SYCP1: variants seen among roughly 807,000 people sequenced by gnomAD.
The protein encoded by SYCP1 is synaptonemal complex protein 1, also known as cancer/testis antigen 8.
In SYCP1, 64 loss-of-function variants were observed where a neutral mutation model predicts 153.1. That is an observed-to-expected ratio of 0.42 (90% CI 0.34 to 0.51). SYCP1 has a LOEUF of 0.51. Ranked by LOEUF, SYCP1 falls within the 20% of genes least tolerant of loss-of-function variation. The probability of loss-of-function intolerance (pLI) is 0.06; values close to 1 mark genes in which losing one functional copy is unlikely to be tolerated. For missense variants in SYCP1, 997 were observed against 1,049.0 expected (o/e 0.95, Z 0.68); for synonymous variants, 384 against 341.8 (o/e 1.12, Z -1.36).
intron 27 of SYCP1, among the ~76,000 whole-genome samples, chr1:114,969,425 C>T (rs903325960): frequency 3.3e-5 from 5 of 152,140 alleles, no homozygotes; most frequent in African/African-American, 9.7e-5. Flanking sequence ...TTCCCTGTGG[C>T]TTTGTTTACA....
intron 30 of SYCP1, among the ~76,000 whole-genome samples, chr1:114,986,019 A>G (rs1292024508): frequency 2.0e-5 from 3 of 151,996 alleles, no homozygotes; most frequent in Non-Finnish European, 4.4e-5. Flanking sequence ...ATTATAAGTA[A>G]CCTAGAGATG....
chr1:114,871,977 C>T (rs1160316998), intron 8 of SYCP1, among the ~76,000 whole-genome samples: 10 of 150,100 alleles, frequency 6.7e-5, no homozygotes, highest in Non-Finnish European at 1.5e-4. Flanking sequence ...CTTATTTCTG[C>T]GTTGATGCTC....
At chr1:114,905,947 T>G (rs1003480604) in intron 16 of SYCP1, among the ~76,000 whole-genome samples, 4 of 152,078 alleles carry the variant, frequency 2.6e-5, no homozygotes, top group Non-Finnish European at 5.9e-5. Flanking sequence ...TGATATTGGT[T>G]GTTGTGTCAT....
At chr1:114,857,961 A>G (rs1049605196) in intron 5 of SYCP1, among the ~76,000 whole-genome samples, 1 of 152,014 alleles carries the variant, frequency 6.6e-6, no homozygotes, top group African/African-American at 2.4e-5. Flanking sequence ...TTATGGTATC[A>G]CAGAATTTAA....
At chr1:114,855,194 A>ATCT in intron 1 of SYCP1, 176 bp downstream of exon 1, 1 of 212,992 alleles carries the variant, frequency 4.7e-6, no homozygotes, top group Admixed American at 5.8e-5. Context: ...GGAGAAGGGA[A>ATCT]CGGGCTTTCT....
At chr1:114,978,581 A>C (rs1317575753) in intron 28 of SYCP1, among the ~76,000 whole-genome samples, 3 of 151,686 alleles carry the variant, frequency 2.0e-5, no homozygotes, top group African/African-American at 7.2e-5. Context: ...TTTTTGGTTA[A>C]AATGATTAAG....
intron 8 of SYCP1, among the ~76,000 whole-genome samples, chr1:114,867,560 T>G (rs1408548359): frequency 6.6e-6 from 1 of 152,286 alleles, no homozygotes; most frequent in South Asian, 2.1e-4. Flanking sequence ...GCTTATTCAT[T>G]GCTGGTGTAT....
chr1:114,975,195 T>G (rs572987353), intron 27 of SYCP1, among the ~76,000 whole-genome samples: 1 of 151,920 alleles, frequency 6.6e-6, no homozygotes, highest in African/African-American at 2.4e-5. Flanking sequence ...TAATCCAATT[T>G]TTGTGTTGTT....
Position 114,858,622 on chromosome 1 carries a change from A to G in SYCP1, c.367A>G (p.Thr123Ala), listed in dbSNP as rs772963961. The G allele has an allele frequency of 4.3e-6, 7 of 1,613,058 alleles. No individual in the cohort carries two copies. The highest frequency in any genetic ancestry group is 4.5e-5 in the East Asian group (2 of 44,742). Reference sequence around the variant, plus strand: ...AAAGATAAAAAAATGGAAAGTAAGTACAGAAGCTGAACTGAGACAGAAAGA... The same window carrying G: ...AAAGATAAAAAAATGGAAAGTAAGTGCAGAAGCTGAACTGAGACAGAAAGA... ...AEKIKKWKVS[T>A]EAELRQKESK... The change falls in exon 6 of 32, where the codon ACA becomes GCA. Residue 123 changes from threonine to alanine, a missense_variant. This residue lies in a region of SYCP1 where 285 missense variants were observed against 366.1 expected (regional missense o/e 0.78). Transcript: ENST00000369522.
Position 114,876,079 on chromosome 1 carries a change from C to T in SYCP1, c.668C>T (p.Thr223Ile). Residue 223 changes from threonine (T) to isoleucine (I), a missense_variant, in exon 10 of 32, where the codon ACA (threonine) becomes ATA (isoleucine). Thr to Ile is a moderately conservative substitution (Grantham distance 89, BLOSUM62 -1). Transcript: ENST00000369522. ...AACTTTATATTTCAGAAAATGATAA[C>T]AGCTTTTGAGGAACTTCGTGTGCAA... Reference protein sequence around the residue: ...DLNNNIEKMITAFEELRVQAE... With the variant: ...DLNNNIEKMIIAFEELRVQAE... The T allele has an allele frequency of 1.3e-6, 2 of 1,576,422 alleles. No individual in the cohort carries two copies. Among genetic ancestry groups the T allele is most frequent in the South Asian group, 1.2e-5 (1 of 84,108 alleles).
chr1:114,901,223 G>A (rs1667426564), intron 16 of SYCP1, among the ~76,000 whole-genome samples: 1 of 152,022 alleles, frequency 6.6e-6, no homozygotes, highest in Non-Finnish European at 1.5e-5. Flanking sequence ...ATTAAAAGTG[G>A]CAAGGCAAAA....
At chr1:114,897,871 G>T (rs1310714099) in intron 16 of SYCP1, among the ~76,000 whole-genome samples, 3 of 152,172 alleles carry the variant, frequency 2.0e-5, no homozygotes, top group African/African-American at 7.2e-5. Flanking sequence ...ACCATGACAG[G>T]TACCACCCAT....
At chr1:114,928,370 T>C (rs1425672446) in intron 23 of SYCP1, among the ~76,000 whole-genome samples, 2 of 152,108 alleles carry the variant, frequency 1.3e-5, no homozygotes, top group African/African-American at 2.4e-5. Context: ...GAAGGTCAGA[T>C]GACAAAGGAA....
chr1:114,983,518 C>G (rs893612386), intron 29 of SYCP1, among the ~76,000 whole-genome samples: 13 of 151,856 alleles, frequency 8.6e-5, no homozygotes, highest in African/African-American at 2.9e-4. Flanking sequence ...CCAGACAAAT[C>G]AAATACTGAC....
intron 12 of SYCP1, among the ~76,000 whole-genome samples, chr1:114,883,733 AC>A (rs1666104476): frequency 6.6e-6 from 1 of 152,112 alleles, no homozygotes; most frequent in African/African-American, 2.4e-5. Flanking sequence ...CATTTCCCTC[AC>A]CAGGCTGGAG....
Position 114,859,734 on chromosome 1 carries a change from A to G in SYCP1, c.457-9A>G. 2 of 978,802 alleles carry G rather than the reference A, an allele frequency of 2.0e-6. No homozygotes were observed. Among genetic ancestry groups the G allele is most frequent in the Non-Finnish European group, 1.4e-6 (1 of 738,058 alleles). 60.6% of individuals were successfully genotyped at this position (978,802 alleles called of 1,614,324 possible). Reference sequence around the variant, plus strand: ...AAAATGGGATGAACTTTTCTGTTTTATAAATTAGTTTGGAAATGAAAAAGT... The same window carrying G: ...AAAATGGGATGAACTTTTCTGTTTTGTAAATTAGTTTGGAAATGAAAAAGT... On this transcript the variant is annotated splice_polypyrimidine_tract_variant and intron_variant, in intron 6 of 31. Coordinates refer to ENST00000369522, the MANE Select transcript of SYCP1 (RefSeq NM_003176.4).
At chr1:114,896,160 GC>G (rs1262962748) in intron 16 of SYCP1, among the ~76,000 whole-genome samples, 2 of 152,064 alleles carry the variant, frequency 1.3e-5, no homozygotes, top group African/African-American at 4.8e-5. Flanking sequence ...CAGTTTTCTG[GC>G]CCCTGATGTA....
intron 27 of SYCP1, among the ~76,000 whole-genome samples, chr1:114,948,130 CT>C (rs201921036): frequency 0.012 from 1,778 of 151,682 alleles, 17 homozygotes; most frequent in Non-Finnish European, 0.02. Flanking sequence ...TTTAGATATG[CT>C]TTTTTTGAAG....
rs117718733 is a variant in SYCP1 at position 114,914,845 on chromosome 1, C to G, written c.1718+800C>G. ...AGGATGAAGTTCAGACCGAGATGTA[C>G]AATACAATCTAGATGATGGTGCAGA... On this transcript the variant is annotated intron_variant, in intron 20 of 31. Transcript: ENST00000369522. 1.5e-4 allele frequency among the ~76,000 whole-genome samples: 23 copies of G among 152,182 alleles called. No homozygotes were observed. In the East Asian group the frequency reaches 4.1e-3, roughly 27 times the overall value.
Sources: allele counts gnomAD v4.1 joint callset (sites outside exome capture counted in the v4.1 genomes callset), GRCh38; gene constraint gnomAD v4.1.1; regional missense constraint gnomAD v4.1.1; transcripts MANE v1.5; gene names NCBI Gene and HGNC (gene_info 2026-07-23, HGNC 2026-07-21).